Variants in RAB27A observed in about 807,000 individuals in gnomAD.
RAB27A encodes RAB27A, member RAS oncogene family.
In RAB27A, 17 loss-of-function variants were observed where a neutral mutation model predicts 20.8. That is an observed-to-expected ratio of 0.82 (90% CI 0.56 to 1.23). The LOEUF is 1.23. Among genes scored for constraint, RAB27A ranks in the 50% most tolerant of loss-of-function variants. The probability of loss-of-function intolerance (pLI) is 0.00; values close to 1 mark genes in which losing one functional copy is unlikely to be tolerated. For missense variants in RAB27A, 277 were observed against 266.7 expected (o/e 1.04, Z -0.27); for synonymous variants, 85 against 92.8 (o/e 0.92, Z 0.48).
Position 55,228,661 on chromosome 15 carries a change from TAGA to T in RAB27A, c.288_290del (p.Leu98del), listed in dbSNP as rs1431948941. Reference sequence around the variant, plus strand: ...TTTGCTCATTTGTCAGATCAAAAAGTAGAAGAAAACCCATAGCATCTCTGAAGA... The same window carrying T: ...TTTGCTCATTTGTCAGATCAAAAAGTAGAAAACCCATAGCATCTCTGAAGA... On this transcript the variant is annotated inframe_deletion, in exon 5 of 7. Transcript: ENST00000336787. The T allele has an allele frequency of 6.2e-7, 1 of 1,613,662 alleles. No individual in the cohort carries two copies. The highest frequency in any genetic ancestry group is 2.2e-5 in the East Asian group (1 of 44,874).
At chr15:55,312,761 T>C (rs2055026729) in intron 2 of RAB27A, among the ~76,000 whole-genome samples, 1 of 152,222 alleles carries the variant, frequency 6.6e-6, no homozygotes, top group Admixed American at 6.5e-5. Context: ...GTTAGGATTA[T>C]TCCTCAAATG....
intron 6 of RAB27A, among the ~76,000 whole-genome samples, chr15:55,210,649 T>C (rs943871786): frequency 8.5e-5 from 13 of 152,164 alleles, no homozygotes. Context: ...TTTGAGCCCC[T>C]TATATATTCT....
chr15:55,207,009 T>C (rs1449803060), intron 6 of RAB27A, among the ~76,000 whole-genome samples: 1 of 152,216 alleles, frequency 6.6e-6, no homozygotes, highest in East Asian at 1.9e-4. Flanking sequence ...ACTAAGGATA[T>C]GCACGGGAAA....
At chr15:55,249,435 T>C (rs973484630) in intron 2 of RAB27A, among the ~76,000 whole-genome samples, 1 of 152,058 alleles carries the variant, frequency 6.6e-6, no homozygotes, top group Non-Finnish European at 1.5e-5. Context: ...CCACCAAAAA[T>C]GGATAATTCT....
At chr15:55,247,525 T>G (rs1168569183) in intron 2 of RAB27A, among the ~76,000 whole-genome samples, 1 of 152,178 alleles carries the variant, frequency 6.6e-6, no homozygotes, top group Non-Finnish European at 1.5e-5. Flanking sequence ...GGAAAGCTTT[T>G]GACCAACACA....
intron 3 of RAB27A, among the ~76,000 whole-genome samples, chr15:55,232,065 T>C (rs1896051080): frequency 6.6e-6 from 1 of 152,170 alleles, no homozygotes; most frequent in South Asian, 2.1e-4. Context: ...TGACTGACTT[T>C]GAGGTTCTTC....
At chr15:55,230,321 C>A in intron 4 of RAB27A, 80 bp downstream of exon 4, 1 of 1,374,600 alleles carries the variant, frequency 7.3e-7, no homozygotes, top group Non-Finnish European at 1.0e-6. Context: ...CTGGCTTTTT[C>A]CTGCTCAGGT....
intron 2 of RAB27A, among the ~76,000 whole-genome samples, chr15:55,305,265 T>TA (rs2054992097): frequency 6.6e-6 from 1 of 152,212 alleles, no homozygotes; most frequent in South Asian, 2.1e-4. Flanking sequence ...ACAACCATTC[T>TA]AACTGCTTCC....
At chr15:55,254,183 GTAAGT>G (rs1242945227) in intron 2 of RAB27A, among the ~76,000 whole-genome samples, 1 of 152,142 alleles carries the variant, frequency 6.6e-6, no homozygotes, top group Admixed American at 6.5e-5. Flanking sequence ...TGCAAGGTTT[GTAAGT>G]TGAGTTTTGA....
At chr15:55,220,381 T>G (rs189789473) in intron 6 of RAB27A, among the ~76,000 whole-genome samples, 1 of 152,184 alleles carries the variant, frequency 6.6e-6, no homozygotes, top group South Asian at 2.1e-4. Context: ...GCGATTCTCC[T>G]GCCTCAGCCT....
At chr15:55,212,723 G>A (rs1895087703) in intron 6 of RAB27A, among the ~76,000 whole-genome samples, 1 of 152,036 alleles carries the variant, frequency 6.6e-6, no homozygotes, top group South Asian at 2.1e-4. Flanking sequence ...TACAGACGGT[G>A]TTTCACCATG....
chr15:55,210,551 G>A (rs1832946941), intron 6 of RAB27A, among the ~76,000 whole-genome samples: 1 of 151,714 alleles, frequency 6.6e-6, no homozygotes, highest in African/African-American at 2.4e-5. Flanking sequence ...TCATACACCT[G>A]TTTGCCATTT....
chr15:55,236,823 G>A (rs377342444), intron 2 of RAB27A, among the ~76,000 whole-genome samples: 6 of 151,848 alleles, frequency 4.0e-5, no homozygotes, highest in Non-Finnish European at 1.5e-5. Context: ...TTATTTCCTC[G>A]AGTATTTATC....
At chr15:55,217,878 G>C (rs1865473) in intron 6 of RAB27A, among the ~76,000 whole-genome samples, 149,907 of 152,008 alleles carry the variant, frequency 0.99, 73,943 homozygotes, top group Middle Eastern at 1. Flanking sequence ...GGAGTACATG[G>C]AGACCATTAA....
Position 55,203,255 on chromosome 15 carries a change from C to G in RAB27A, c.*2252G>C, listed in dbSNP as rs1224609452. 1 of 152,072 alleles carries G rather than the reference C, an allele frequency of 6.6e-6. No individual in the cohort carries two copies. The highest frequency in any genetic ancestry group is 1.9e-4 in the East Asian group (1 of 5,196). The allele number at this position is 152,072 out of a possible 1,614,324, so 9.4% of individuals were successfully genotyped here. ...GTTCTTGAAAACTGAAACATGCAAA[C>G]ATTCTTATTTTTATGTTTAAAGACA... On this transcript the variant is annotated 3_prime_UTR_variant, in exon 7 of 7. Transcript: ENST00000336787.
chr15:55,234,964 A>C lies in RAB27A; in HGVS notation c.-22-8T>G. On this transcript the variant is annotated splice_polypyrimidine_tract_variant and splice_region_variant and intron_variant, in intron 2 of 6. Coordinates refer to ENST00000336787, the MANE Select transcript of RAB27A (RefSeq NM_183235.3). ...AAGAACTCAGTAGTTCACCTGTAAAATACACACAAAATTTTTTAATTAAAA... is the reference window on the plus strand; with the variant it reads ...AAGAACTCAGTAGTTCACCTGTAAACTACACACAAAATTTTTTAATTAAAA... The C allele has an allele frequency of 6.3e-7, 1 of 1,588,398 alleles. No individual in the cohort carries two copies. The highest frequency in any genetic ancestry group is 1.3e-5 in the African/African-American group (1 of 74,084).
At chr15:55,307,076 A>G (rs1391150436) in intron 2 of RAB27A, among the ~76,000 whole-genome samples, 2 of 152,042 alleles carry the variant, frequency 1.3e-5, no homozygotes, top group Admixed American at 6.5e-5. Flanking sequence ...TGGGATAGAT[A>G]AAATGACTGG....
intron 2 of RAB27A, among the ~76,000 whole-genome samples, chr15:55,251,746 A>T (rs527988610): frequency 6.6e-6 from 1 of 152,336 alleles, no homozygotes; most frequent in East Asian, 1.9e-4. Flanking sequence ...AAAATTTTTT[A>T]AAATACTGAT....
At chr15:55,290,288 T>A (rs1179113277), upstream of RAB27A, 1 of 152,238 alleles carries the variant, frequency 6.6e-6, no homozygotes, top group Non-Finnish European at 1.5e-5. Flanking sequence ...GCGCGGCTCC[T>A]GAGGCGGCGT....
Sources: allele counts gnomAD v4.1 joint callset (sites outside exome capture counted in the v4.1 genomes callset), GRCh38; gene constraint gnomAD v4.1.1; transcripts MANE v1.5; gene names NCBI Gene and HGNC (gene_info 2026-07-23, HGNC 2026-07-21).